Variants in ME3 observed in about 807,000 individuals in gnomAD.
ME3 encodes the protein malic enzyme 3.
A neutral mutation model predicts 68.9 loss-of-function variants in ME3; 48 were observed. That is an observed-to-expected ratio of 0.70 (90% CI 0.55 to 0.89). The LOEUF is 0.89. Ranked by LOEUF, ME3 falls within the 40% of genes least tolerant of loss-of-function variation. The pLI is 0.00. For missense variants in ME3, 675 were observed against 797.4 expected (o/e 0.85, Z 1.85); for synonymous variants, 320 against 318.8 (o/e 1.00, Z -0.04).
intron 2 of ME3, among the ~76,000 whole-genome samples, chr11:86,656,614 G>T (rs1397378477): frequency 1.5e-4 from 19 of 129,936 alleles, no homozygotes; most frequent in African/African-American, 5.4e-4. Context: ...GGGGGGAGGG[G>T]GGAGAGATAG....
intron 2 of ME3, among the ~76,000 whole-genome samples, chr11:86,587,842 T>A (rs1455819180): frequency 6.6e-6 from 1 of 152,218 alleles, no homozygotes; most frequent in Admixed American, 6.5e-5. Flanking sequence ...ATTTCCTTCT[T>A]TTTTCTGTTC....
At chr11:86,647,870 T>C (rs1945133705) in intron 2 of ME3, among the ~76,000 whole-genome samples, 1 of 152,122 alleles carries the variant, frequency 6.6e-6, no homozygotes, top group African/African-American at 2.4e-5. Context: ...TCAACAAGGA[T>C]ATTTCAGGAC....
rs1385779403 is a variant in ME3 at position 86,617,539 on chromosome 11, G to C, written c.183+54223C>G. Among the ~76,000 whole-genome samples the C allele has an allele frequency of 2.6e-5, 4 of 152,258 alleles. No homozygotes were observed. The East Asian group carries it at 7.7e-4, about 29-fold the overall frequency. ...TACTGAGAAGATTCAAGATTTTGAA[G>C]AGACTCTACATTTTAGCACTGATTG... On this transcript the variant is annotated intron_variant, in intron 2 of 14. Coordinates refer to ENST00000543262, the Ensembl canonical transcript of ME3.
intron 4 of ME3, among the ~76,000 whole-genome samples, chr11:86,534,093 A>T (rs201514054): frequency 6.7e-6 from 1 of 149,826 alleles, no homozygotes; most frequent in African/African-American, 2.5e-5. Context: ...ATATATATAT[A>T]TATATATATA....
chr11:86,650,730 A>T (rs1227228189), intron 2 of ME3, among the ~76,000 whole-genome samples: 1 of 152,174 alleles, frequency 6.6e-6, no homozygotes, highest in East Asian at 1.9e-4. Flanking sequence ...CTCACCAGGG[A>T]TTGTCAGACA....
At position 86,508,915 on chromosome 11, in the gene ME3, T is replaced by C. The variant is rs546454360; in HGVS notation, c.468-48A>G. ...ACACAGAGAAACCAGGCAGTCAGAT[T>C]AGGAACTGAGCAAAGTCCATAGTAC... is the stretch of plus-strand genomic sequence containing the variant. On this transcript the variant is annotated intron_variant, in intron 4 of 14. Transcript: ENST00000543262. 8.8e-5 allele frequency: 132 copies of C among 1,494,460 alleles called. 1 individual carries two copies. In the South Asian group the frequency reaches 1.1e-3, roughly 13 times the overall value. 92.6% of individuals were successfully genotyped at this position (1,494,460 alleles called of 1,614,324 possible). A position where few individuals can be genotyped will look rare whatever the true frequency, so the allele number is the denominator to read the frequency against.
intron 5 of ME3, 132 bp from the exon 6 acceptor site, chr11:86,498,256 G>T: frequency 9.2e-7 from 1 of 1,084,054 alleles, no homozygotes; most frequent in Non-Finnish European, 1.3e-6. Flanking sequence ...GAGCTTGTCT[G>T]GGATAAGGCC....
chr11:86,590,413 C>T (rs1027066755), intron 2 of ME3, among the ~76,000 whole-genome samples: 45 of 152,202 alleles, frequency 3.0e-4, no homozygotes, highest in African/African-American at 1.1e-3. Context: ...TGCTATGGGA[C>T]TGCAGAGAAA....
rs572884464 is a variant in ME3 at position 86,663,661 on chromosome 11, C to T, written c.183+8101G>A. On this transcript the variant is annotated intron_variant, in intron 2 of 14. Coordinates refer to ENST00000543262, the Ensembl canonical transcript of ME3. ...ATAGAAATCAAAAGGCCTTTTTTCC[C>T]CCCTCTCACTATAATACTGACATTT... Among the ~76,000 whole-genome samples the T allele has an allele frequency of 1.1e-4, 16 of 152,202 alleles. No homozygotes were observed. In the East Asian group the frequency reaches 3.1e-3, roughly 29 times the overall value.
At chr11:86,542,574 A>G (rs751408191) in intron 4 of ME3, among the ~76,000 whole-genome samples, 26 of 152,226 alleles carry the variant, frequency 1.7e-4, no homozygotes, top group Non-Finnish European at 3.4e-4. Flanking sequence ...GATCAACTTA[A>G]TGAAATAAAG....
chr11:86,626,788 C>A (rs1167469545), intron 2 of ME3, among the ~76,000 whole-genome samples: 4 of 152,186 alleles, frequency 2.6e-5, no homozygotes, highest in African/African-American at 9.7e-5. Context: ...GGCACATGGG[C>A]CACAGTTTGC....
At chr11:86,647,287 G>A (rs1377397779) in intron 2 of ME3, among the ~76,000 whole-genome samples, 1 of 152,040 alleles carries the variant, frequency 6.6e-6, no homozygotes, top group African/African-American at 2.4e-5. Flanking sequence ...ATCCATCAGT[G>A]TGCTGGCTAA....
At chr11:86,513,355 A>G (rs1488147582) in intron 4 of ME3, among the ~76,000 whole-genome samples, 2 of 152,184 alleles carry the variant, frequency 1.3e-5, no homozygotes, top group Non-Finnish European at 2.9e-5. Flanking sequence ...TTTTCCATCT[A>G]TTGCCTAAAC....
At chr11:86,597,226 G>A (rs755023921) in intron 2 of ME3, among the ~76,000 whole-genome samples, 1 of 152,248 alleles carries the variant, frequency 6.6e-6, no homozygotes, top group Non-Finnish European at 1.5e-5. Context: ...CCAGGGACCT[G>A]GAATGAAAAT....
At chr11:86,576,465 T>TG (rs1424769504) in intron 2 of ME3, among the ~76,000 whole-genome samples, 1 of 152,206 alleles carries the variant, frequency 6.6e-6, no homozygotes, top group Non-Finnish European at 1.5e-5. Context: ...CCTTCCCTCC[T>TG]GGGGCTTTCT....
chr11:86,656,966 C>T (rs1001782370), intron 2 of ME3, among the ~76,000 whole-genome samples: 1 of 152,016 alleles, frequency 6.6e-6, no homozygotes, highest in African/African-American at 2.4e-5. Context: ...AGTCAGGAAA[C>T]AACAGATGCT....
chr11:86,436,164 C>T (rs935225559), downstream of ME3: 1 of 151,886 alleles, frequency 6.6e-6, no homozygotes, highest in Non-Finnish European at 1.5e-5. Context: ...GCTTAGGAGA[C>T]AAAGTTCTCC....
chr11:86,578,904 G>A (rs936240521), intron 2 of ME3, among the ~76,000 whole-genome samples: 1 of 152,164 alleles, frequency 6.6e-6, no homozygotes, highest in Non-Finnish European at 1.5e-5. Context: ...CTGTCAAAGT[G>A]TCATTCCCAT....
exon 10 of ME3, chr11:86,449,953 C>A: frequency 6.2e-7 from 1 of 1,614,102 alleles, no homozygotes; most frequent in Non-Finnish European, 8.5e-7. Flanking sequence ...CTTCGGTACA[C>A]CTTCTTTCTC....
Sources: allele counts gnomAD v4.1 joint callset (sites outside exome capture counted in the v4.1 genomes callset), GRCh38; gene constraint gnomAD v4.1.1; transcripts MANE v1.5; gene names NCBI Gene and HGNC (gene_info 2026-07-23, HGNC 2026-07-21).